SLC41A3: variants seen among roughly 807,000 people sequenced by gnomAD.
The protein encoded by SLC41A3 is SLC41A1-like 2.
Under a neutral mutation model 45.4 loss-of-function variants are expected in SLC41A3, and 44 were observed. That is an observed-to-expected ratio of 0.97 (90% CI 0.76 to 1.25). The LOEUF (loss-of-function observed/expected upper bound fraction) is 1.25, where lower values mean the gene tolerates loss of function less well. Ranked by LOEUF, SLC41A3 falls within the 50% of genes most tolerant of loss-of-function variation. SLC41A3 has a pLI of 0.00. For missense variants in SLC41A3, 550 were observed against 600.6 expected, an observed-to-expected ratio of 0.92 and a Z score of 0.88; for synonymous variants, 256 against 252.4, an observed-to-expected ratio of 1.01 and a Z score of -0.13.
At chr3:126,055,584 T>C (rs573808892) in intron 2 of SLC41A3, among the ~76,000 whole-genome samples, 1 of 152,340 alleles carries the variant, frequency 6.6e-6, no homozygotes, top group South Asian at 2.1e-4. Context: ...TAGAAAATTG[T>C]CTTGAAAGGT....
intron 3 of SLC41A3, among the ~76,000 whole-genome samples, chr3:126,050,140 G>T (rs1943229307): frequency 1.3e-5 from 2 of 152,170 alleles, no homozygotes; most frequent in South Asian, 4.1e-4. Flanking sequence ...CAGGTTCCAA[G>T]ACCAGGACCT....
chr3:126,043,370 G>C (rs1158466407), intron 3 of SLC41A3, among the ~76,000 whole-genome samples: 1 of 152,032 alleles, frequency 6.6e-6, no homozygotes, highest in Admixed American at 6.5e-5. Context: ...ATTATTACTA[G>C]ATCTGCCCTA....
At chr3:126,024,423 T>G (rs1054489425) in intron 5 of SLC41A3, 1 of 152,254 alleles carries the variant, frequency 6.6e-6, no homozygotes, top group African/African-American at 2.4e-5. Flanking sequence ...TGGACCAGGC[T>G]GGGTCATGGC....
At chr3:126,068,300 A>C in intron 1 of SLC41A3, 54 bp from the exon 2 acceptor site, 2 of 1,443,706 alleles carry the variant, frequency 1.4e-6, no homozygotes, top group South Asian at 3.1e-5. Context: ...CCATGGCGCT[A>C]ACACCCAAGG....
chr3:126,073,905 A>G (rs1225030205), intron 1 of SLC41A3, among the ~76,000 whole-genome samples: 5 of 152,160 alleles, frequency 3.3e-5, no homozygotes, highest in Non-Finnish European at 7.3e-5. Flanking sequence ...GCTACAGACC[A>G]ATGTGTGTTA....
intron 1 of SLC41A3, among the ~76,000 whole-genome samples, chr3:126,080,527 A>G (rs1189943000): frequency 1.3e-5 from 2 of 152,248 alleles, no homozygotes; most frequent in East Asian, 3.8e-4. Context: ...CCCATTTTAA[A>G]TGGCTTTTAT....
At chr3:126,019,723 T>A (rs979777044) in intron 6 of SLC41A3, among the ~76,000 whole-genome samples, 1 of 152,074 alleles carries the variant, frequency 6.6e-6, no homozygotes, top group African/African-American at 2.4e-5. Flanking sequence ...ATGCCAGGCA[T>A]CCTCTACACG....
At chr3:126,087,818 C>T (rs1347494845), upstream of SLC41A3, among the ~76,000 whole-genome samples, 1 of 151,760 alleles carries the variant, frequency 6.6e-6, no homozygotes, top group Non-Finnish European at 1.5e-5. Flanking sequence ...TTGTATAATG[C>T]AGTTGGCTAT....
At position 126,006,836 on chromosome 3, in the gene SLC41A3, C is replaced by T. The variant is rs1580368253; in HGVS notation, c.*180G>A. On this transcript the variant is annotated 3_prime_UTR_variant, in exon 11 of 11. Transcript: ENST00000360370. ...TGCTCTTGATTTCAGGGCTCTATTG[C>T]AGGCTCAGGTATCAACCCCAGAGCC... 2.7e-6 allele frequency: 4 copies of T among 1,456,910 alleles called. No individual in the cohort carries two copies. The East Asian group carries it at 9.8e-5, about 36-fold the overall frequency. The allele number at this position is 1,456,910 out of a possible 1,614,324, so 90.2% of individuals were successfully genotyped here.
chr3:126,096,501 G>A (rs1292617876), intron 1 of SLC41A3, among the ~76,000 whole-genome samples: 1 of 152,158 alleles, frequency 6.6e-6, no homozygotes, highest in Non-Finnish European at 1.5e-5. Context: ...GAAGGTTGTG[G>A]GTTTACCAGA....
At chr3:126,052,307 G>A (rs1250299006) in intron 2 of SLC41A3, among the ~76,000 whole-genome samples, 3 of 152,042 alleles carry the variant, frequency 2.0e-5, no homozygotes, top group Non-Finnish European at 4.4e-5. Flanking sequence ...CCTCAGCAGG[G>A]GAACCAAGGC....
At chr3:126,077,989 G>A (rs1559888897) in intron 1 of SLC41A3, among the ~76,000 whole-genome samples, 2 of 152,280 alleles carry the variant, frequency 1.3e-5, no homozygotes, top group East Asian at 3.9e-4. Context: ...AGGCGGCACC[G>A]GTGTGGCTCC....
intron 1 of SLC41A3, among the ~76,000 whole-genome samples, chr3:126,098,725 G>A (rs975694262): frequency 1.3e-5 from 2 of 152,190 alleles, no homozygotes; most frequent in African/African-American, 4.8e-5. Flanking sequence ...TGCCACCACA[G>A]TGTCCAGCTG....
chr3:126,026,235 G>C lies in SLC41A3; in HGVS notation c.598+100C>G. 6.7e-7 allele frequency: 1 copy of C among 1,483,364 alleles called. No homozygotes were observed. Among genetic ancestry groups the C allele is most frequent in the Non-Finnish European group, 9.0e-7 (1 of 1,105,750 alleles). The allele number at this position is 1,483,364 out of a possible 1,614,324, so 91.9% of individuals were successfully genotyped here. On this transcript the variant is annotated intron_variant, in intron 5 of 10. Coordinates refer to ENST00000360370, the MANE Select transcript of SLC41A3 (RefSeq NM_017836.4). This position sits in a 1 kb window ranked among gnomAD's most constrained non-coding sequence, Gnocchi z 4.2. ...GCCCACCATCAGTCCCATTAGCAGTGGGACTCACACCCCCAGAAACTGAAA... is the reference window on the plus strand; with the variant it reads ...GCCCACCATCAGTCCCATTAGCAGTCGGACTCACACCCCCAGAAACTGAAA...
intron 3 of SLC41A3, among the ~76,000 whole-genome samples, chr3:126,042,700 A>C (rs1236058369): frequency 6.6e-6 from 1 of 152,186 alleles, no homozygotes; most frequent in Non-Finnish European, 1.5e-5. Flanking sequence ...ACAAAGAAAC[A>C]GAAATCATAA....
rs748206691 is a variant in SLC41A3 at position 126,006,998 on chromosome 3, G to A, written c.*18C>T. 3 of 1,614,060 alleles carry A rather than the reference G, an allele frequency of 1.9e-6. No individual in the cohort carries two copies. Among genetic ancestry groups the A allele is most frequent in the Non-Finnish European group, 2.5e-6 (3 of 1,179,944 alleles). On this transcript the variant is annotated 3_prime_UTR_variant, in exon 11 of 11. Transcript: ENST00000360370. ...TGAGAGGAAATTCTAATGAGCAAAT[G>A]GGACCAGCGGGGCCCAGTTAGGGAG...
At chr3:126,067,894 T>C (rs1944429824) in intron 2 of SLC41A3, 53 bp downstream of exon 2, 5 of 1,524,904 alleles carry the variant, frequency 3.3e-6, no homozygotes, top group South Asian at 2.6e-5. Context: ...GCCTACTCTA[T>C]AGGTGATGTT....
At chr3:126,057,983 A>C (rs561417035) in intron 2 of SLC41A3, 2 of 152,180 alleles carry the variant, frequency 1.3e-5, no homozygotes, top group Admixed American at 6.5e-5. Context: ...GATCTTAAGA[A>C]ACTGACAACT....
At chr3:126,036,244 G>A (rs1942180128) in intron 3 of SLC41A3, among the ~76,000 whole-genome samples, 4 of 152,304 alleles carry the variant, frequency 2.6e-5, no homozygotes, top group African/African-American at 9.6e-5. Context: ...TGCACGCCTC[G>A]GGCCTGCTCT....
Sources: gnomAD v4.1 joint callset for allele counts (sites outside exome capture counted in the v4.1 genomes callset) on GRCh38, gnomAD v4.1.1 for gene constraint, Gnocchi (gnomAD v3.1) non-coding constraint, MANE v1.5 for transcripts, NCBI Gene and HGNC (gene_info 2026-07-23, HGNC 2026-07-21) for gene names.